TNIP3: variants seen among roughly 807,000 people sequenced by gnomAD.
The protein encoded by TNIP3 is TNFAIP3-interacting protein 3.
TNIP3 carries 34 observed loss-of-function variants against 54.1 expected under a neutral mutation model. That is an observed-to-expected ratio of 0.63 (90% CI 0.48 to 0.84). TNIP3 has a LOEUF of 0.84. TNIP3 is among the 40% of genes least tolerant of loss of function. TNIP3 has a pLI of 0.00. For missense variants in TNIP3, 366 were observed against 387.6 expected, an observed-to-expected ratio of 0.94 and a Z score of 0.47; for synonymous variants, 134 against 136.8, an observed-to-expected ratio of 0.98 and a Z score of 0.14.
chr4:121,218,640 GTCTC>G (rs202046111), upstream of TNIP3, among the ~76,000 whole-genome samples: 3 of 142,878 alleles, frequency 2.1e-5, no homozygotes, highest in Non-Finnish European at 4.5e-5. Context: ...CCCTCTCTCT[GTCTC>G]TCTTTCTTTT....
chr4:121,133,741 C>T (rs1203635940), intron 10 of TNIP3, among the ~76,000 whole-genome samples: 1 of 152,104 alleles, frequency 6.6e-6, no homozygotes, highest in Non-Finnish European at 1.5e-5. Flanking sequence ...CAGAATTTCC[C>T]TAAATGTACA....
At chr4:121,224,362 C>CA (rs1436879443) in intron 1 of TNIP3, among the ~76,000 whole-genome samples, 60 of 88,530 alleles carry the variant, frequency 6.8e-4, no homozygotes, top group African/African-American at 1.4e-3. Flanking sequence ...GACTCTGTCT[C>CA]AAAAAATAAA....
intron 2 of TNIP3, among the ~76,000 whole-genome samples, chr4:121,160,248 G>A (rs1331106851): frequency 6.6e-6 from 1 of 152,170 alleles, no homozygotes; most frequent in Non-Finnish European, 1.5e-5. Context: ...GGAGGCTGAG[G>A]TGGGCAGATC....
chr4:121,168,091 T>C (rs1730863071), upstream of TNIP3, among the ~76,000 whole-genome samples: 1 of 152,206 alleles, frequency 6.6e-6, no homozygotes, highest in Non-Finnish European at 1.5e-5. Flanking sequence ...CTGAACATTT[T>C]GTAGGCTTTT....
intron 3 of TNIP3, among the ~76,000 whole-genome samples, chr4:121,177,981 G>A (rs1033485595): frequency 3.3e-5 from 5 of 152,180 alleles, no homozygotes; most frequent in African/African-American, 1.2e-4. Context: ...AATTTACCCG[G>A]GGGAGAGAAT....
At chr4:121,161,635 G>T (rs754974159) in intron 1 of TNIP3, among the ~76,000 whole-genome samples, 1 of 152,052 alleles carries the variant, frequency 6.6e-6, no homozygotes, top group Non-Finnish European at 1.5e-5. Context: ...CTGTGCCCAT[G>T]AACATGTATG....
At chr4:121,222,804 G>GTT (rs138758827) in intron 1 of TNIP3, among the ~76,000 whole-genome samples, 39,230 of 105,518 alleles carry the variant, frequency 0.37, 9,647 homozygotes, top group East Asian at 0.53. Flanking sequence ...TTTTTTGTGC[G>GTT]TTTTTTTTTT....
chr4:121,201,054 C>A (rs750587037), intron 2 of TNIP3, among the ~76,000 whole-genome samples: 1 of 152,112 alleles, frequency 6.6e-6, no homozygotes, highest in Non-Finnish European at 1.5e-5. Context: ...TCAAGGGGAA[C>A]TTTGGTGGCT....
exon 3 of TNIP3, chr4:121,182,686 C>T (rs766193857): frequency 1.4e-5 from 21 of 1,533,966 alleles, no homozygotes; most frequent in Non-Finnish European, 1.7e-5. Flanking sequence ...CTTCAGAGAA[C>T]ATAGATTTCT....
intron 5 of TNIP3, 25 bp from the exon 6 acceptor site, chr4:121,150,244 T>A: frequency 7.0e-7 from 1 of 1,420,388 alleles, no homozygotes; most frequent in South Asian, 1.2e-5. Flanking sequence ...AAGTACACTG[T>A]TGATCTAAGA....
intron 2 of TNIP3, among the ~76,000 whole-genome samples, chr4:121,210,638 G>T (rs1049451835): frequency 3.3e-5 from 5 of 152,164 alleles, no homozygotes; most frequent in African/African-American, 9.7e-5. Context: ...CAGCAGGTAG[G>T]TTTCATTCTA....
At chr4:121,147,206 C>T (rs778349266) in intron 6 of TNIP3, 32 bp from the exon 7 acceptor site, 12 of 1,590,106 alleles carry the variant, frequency 7.5e-6, no homozygotes, top group Non-Finnish European at 1.0e-5. Context: ...TTACTGTAAG[C>T]TTCCTTTTCA....
At chr4:121,135,390 CT>C (rs1215995217) in intron 10 of TNIP3, among the ~76,000 whole-genome samples, 6 of 151,324 alleles carry the variant, frequency 4.0e-5, no homozygotes, top group South Asian at 2.1e-4. Context: ...ACTTCTTCTT[CT>C]TTTTTTTTAT....
At chr4:121,181,330 G>A (rs1159569897) in intron 3 of TNIP3, among the ~76,000 whole-genome samples, 2 of 152,190 alleles carry the variant, frequency 1.3e-5, no homozygotes, top group African/African-American at 2.4e-5. Flanking sequence ...ATATTTCCAT[G>A]AAGGAATAAA....
At chr4:121,219,216 C>A (rs1726932056), upstream of TNIP3, among the ~76,000 whole-genome samples, 1 of 152,034 alleles carries the variant, frequency 6.6e-6, no homozygotes, top group Admixed American at 6.6e-5. Flanking sequence ...AACAAACAAA[C>A]AAACAAACAA....
Position 121,224,298 on chromosome 4 carries a change from G to A in TNIP3, c.3+3087C>T, listed in dbSNP as rs907452201. ...GAATCACTTGAACCCAGGAGGCAGA[G>A]GTTGCAGTGAGCAGAGATTGTGCTA... On this transcript the variant is annotated intron_variant, in intron 1 of 12. Transcript: ENST00000509841. Among the ~76,000 whole-genome samples, 4 of 152,122 alleles carry A rather than the reference G, an allele frequency of 2.6e-5. No homozygotes were observed. The Middle Eastern group carries it at 0.014, about 517-fold the overall frequency.
At chr4:121,227,370 CATT>C (rs1727302509) in intron 1 of TNIP3, 2 of 1,535,022 alleles carry the variant, frequency 1.3e-6, no homozygotes, top group African/African-American at 2.7e-5. Flanking sequence ...AGGCACAAGA[CATT>C]ATGTTACTCA....
At chr4:121,141,946 A>G in intron 8 of TNIP3, 32 bp from the exon 9 acceptor site, 2 of 1,484,126 alleles carry the variant, frequency 1.3e-6, no homozygotes, top group Non-Finnish European at 1.8e-6. Flanking sequence ...GGTCACTACC[A>G]GTGGGAGAGA....
intron 3 of TNIP3, among the ~76,000 whole-genome samples, chr4:121,171,231 G>A (rs1449485411): frequency 6.6e-6 from 1 of 152,180 alleles, no homozygotes; most frequent in Non-Finnish European, 1.5e-5. Context: ...ACCATCTGGA[G>A]AATCAAACCT....
Sources: gnomAD v4.1 joint callset for allele counts (sites outside exome capture counted in the v4.1 genomes callset) on GRCh38, gnomAD v4.1.1 for gene constraint, MANE v1.5 for transcripts, NCBI Gene and HGNC (gene_info 2026-07-23, HGNC 2026-07-21) for gene names.